Variants in NIPA1 observed in about 807,000 individuals in gnomAD.
The protein encoded by NIPA1 is NIPA magnesium transporter 1.
In NIPA1, 13 loss-of-function variants were observed where a neutral mutation model predicts 23.9. That is an observed-to-expected ratio of 0.54 (90% CI 0.35 to 0.87). The LOEUF is 0.87. Ranked by LOEUF, NIPA1 falls within the 40% of genes least tolerant of loss-of-function variation. The pLI, the probability that NIPA1 is intolerant of heterozygous loss-of-function variation, is 0.01. For synonymous variants in NIPA1, 234 were observed against 202.9 expected (o/e 1.15, Z -1.30); for missense variants, 362 against 429.7 (o/e 0.84, Z 1.39).
At chr15:22,788,547 A>G (rs553867139) in intron 1 of NIPA1, among the ~76,000 whole-genome samples, 6 of 151,124 alleles carry the variant, frequency 4.0e-5, no homozygotes, top group African/African-American at 1.5e-4. Context: ...TCCTCTGTGA[A>G]GGTCATGGAA....
In NIPA1 at chr15:22,787,010, C is replaced by T. The variant is rs1363258072; in HGVS notation, c.178+176C>T. ...CCGCGGCGTGCCCAGGCTGCCGCCG[C>T]GTCCTGGCGCTCGGGCCCGGGAGCG... On this transcript the variant is annotated intron_variant, in intron 1 of 4. Transcript: ENST00000337435. Among the ~76,000 whole-genome samples the T allele has an allele frequency of 2.0e-5, 3 of 151,716 alleles. No homozygotes were observed. In the East Asian group the frequency reaches 5.8e-4, roughly 29 times the overall value.
At position 22,816,476 on chromosome 15, in the gene NIPA1, C is replaced by T. The variant is rs1407181445; in HGVS notation, c.318-3837C>T. On this transcript the variant is annotated intron_variant, in intron 3 of 4. Coordinates refer to ENST00000337435, the MANE Select transcript of NIPA1 (RefSeq NM_144599.5). ...TGCTGGGATTACAGGTGTGAGCCACCGCACCCAGCCTTTTTTTTTTTTTTT... is the reference window on the plus strand; with the variant it reads ...TGCTGGGATTACAGGTGTGAGCCACTGCACCCAGCCTTTTTTTTTTTTTTT... 3.3e-4 allele frequency among the ~76,000 whole-genome samples: 46 copies of T among 139,530 alleles called. 1 individual carries two copies. Among genetic ancestry groups the T allele is most frequent in the Middle Eastern group, 4.0e-3 (1 of 252 alleles). The allele number at this position is 139,530 out of a possible 152,430, so 91.5% of individuals were successfully genotyped here. A position where few individuals can be genotyped will look rare whatever the true frequency, so the allele number is the denominator to read the frequency against.
intron 1 of NIPA1, among the ~76,000 whole-genome samples, chr15:22,806,714 A>G (rs372677579): frequency 6.6e-6 from 1 of 152,202 alleles, no homozygotes; most frequent in Non-Finnish European, 1.5e-5. Context: ...GAAGAAACCC[A>G]GTTGTTTTAG....
chr15:22,801,322 T>TACAGGTATAATACTTG (rs1895073216), intron 1 of NIPA1, among the ~76,000 whole-genome samples: 1 of 152,060 alleles, frequency 6.6e-6, no homozygotes, highest in Admixed American at 6.6e-5. Flanking sequence ...AGCACGCTAG[T>TACAGGTATAATACTTG]ACAGGTATAA....
intron 1 of NIPA1, among the ~76,000 whole-genome samples, chr15:22,788,801 C>A (rs1463755201): frequency 1.4e-5 from 2 of 146,168 alleles, no homozygotes; most frequent in South Asian, 2.2e-4. Flanking sequence ...CACCTGTAAT[C>A]CCAGCTACTC....
At position 22,828,048 on chromosome 15, in the gene NIPA1, T is replaced by TCA. The variant is rs1015954427; in HGVS notation, c.*3810_*3811dup. The TCA allele has an allele frequency of 2.6e-5, 4 of 152,506 alleles. No homozygotes were observed. The highest frequency in any genetic ancestry group is 6.5e-5 in the Admixed American group (1 of 15,282). 9.4% of individuals were successfully genotyped at this position (152,506 alleles called of 1,614,324 possible). A position where few individuals can be genotyped will look rare whatever the true frequency, so the allele number is the denominator to read the frequency against. On this transcript the variant is annotated 3_prime_UTR_variant, in exon 5 of 5. Transcript: ENST00000337435. The stretch of plus-strand genomic sequence containing the variant: ...AGCAGGAAACTAGAAAGAGAACATT[T>TCA]CAGTGTAAGGTCTGTTCCCGACAGC...
At chr15:22,805,047 A>T (rs953872227) in intron 1 of NIPA1, among the ~76,000 whole-genome samples, 5 of 151,844 alleles carry the variant, frequency 3.3e-5, no homozygotes, top group South Asian at 2.1e-4. Flanking sequence ...TCACTGTGTT[A>T]GCCAGGATGG....
intron 2 of NIPA1, 178 bp downstream of exon 2, chr15:22,810,974 A>G (rs988674486): frequency 1.6e-6 from 1 of 644,614 alleles, no homozygotes; most frequent in African/African-American, 1.8e-5. Flanking sequence ...TCCCCAGGGC[A>G]CTCTCCCTGC....
chr15:22,794,694 C>T (rs1353109990), intron 1 of NIPA1, among the ~76,000 whole-genome samples: 3 of 152,010 alleles, frequency 2.0e-5, no homozygotes, highest in African/African-American at 4.8e-5. Context: ...TGCACTGGCT[C>T]TGGGGTGGAT....
chr15:22,803,631 C>T lies in NIPA1; in HGVS notation c.179-7118C>T, dbSNP rs1895135666. Among the ~76,000 whole-genome samples the T allele has an allele frequency of 1.4e-5, 2 of 146,560 alleles. 1 individual carries two copies. The highest frequency in any genetic ancestry group is 1.4e-4 in the Admixed American group (2 of 14,560). On this transcript the variant is annotated intron_variant, in intron 1 of 4. Transcript: ENST00000337435. ...TCAAGTGATTCTCCTGCCTCAGCCTCCTGAGTAGCTGGGATTACAGGCACC... is the reference window on the plus strand; with the variant it reads ...TCAAGTGATTCTCCTGCCTCAGCCTTCTGAGTAGCTGGGATTACAGGCACC...
chr15:22,824,166 T>A lies in NIPA1; in HGVS notation c.917T>A (p.Val306Asp). 6.2e-7 allele frequency: 1 copy of A among 1,613,596 alleles called. No individual in the cohort carries two copies. Among genetic ancestry groups the A allele is most frequent in the Non-Finnish European group, 8.5e-7 (1 of 1,179,452 alleles). The change falls in exon 5 of 5, where the codon GTC becomes GAC. Residue 306 changes from valine (V) to aspartate (D), a missense_variant. Coordinates refer to ENST00000337435, the MANE Select transcript of NIPA1 (RefSeq NM_144599.5). The surrounding 1 kb of genome is among the most constrained non-coding windows in gnomAD (Gnocchi z 4.1). Reference sequence around the variant, plus strand: ...TTCACGACCGTCTCCGTGGGGATTGTCCTTATACAGGTGTTCAAAGAGTTC... The same window carrying A: ...TTCACGACCGTCTCCGTGGGGATTGACCTTATACAGGTGTTCAAAGAGTTC... Reference protein sequence around the residue: ...CGFTTVSVGIVLIQVFKEFNF... With the variant: ...CGFTTVSVGIDLIQVFKEFNF...
intron 1 of NIPA1, among the ~76,000 whole-genome samples, chr15:22,788,748 T>C (rs11635703): frequency 0.29 from 43,273 of 149,844 alleles, 6,768 homozygotes; most frequent in Non-Finnish European, 0.36. Flanking sequence ...AACAAGCGAG[T>C]AGCCTTTTAA....
intron 1 of NIPA1, among the ~76,000 whole-genome samples, chr15:22,800,455 C>G (rs55933416): frequency 0.1 from 15,392 of 151,764 alleles, 896 homozygotes; most frequent in South Asian, 0.19. Flanking sequence ...GCAGTTAAGA[C>G]CTACACGTTG....
chr15:22,800,114 T>C (rs1478411135), intron 1 of NIPA1, among the ~76,000 whole-genome samples: 9 of 151,900 alleles, frequency 5.9e-5, no homozygotes, highest in Admixed American at 5.9e-4. Context: ...AACCCCAGCA[T>C]TGCACAATAT....
intron 1 of NIPA1, among the ~76,000 whole-genome samples, chr15:22,791,460 T>A (rs1267424097): frequency 2.7e-5 from 4 of 148,718 alleles, no homozygotes; most frequent in African/African-American, 9.9e-5. Context: ...ATTTGAGGCA[T>A]GGCTTCCTCT....
At chr15:22,787,228 C>T (rs1330736579) in intron 1 of NIPA1, among the ~76,000 whole-genome samples, 1 of 152,140 alleles carries the variant, frequency 6.6e-6, no homozygotes, top group Non-Finnish European at 1.5e-5. Flanking sequence ...CGGGAGCCTC[C>T]TGCGGACGCG....
At chr15:22,803,305 G>A (rs973228164) in intron 1 of NIPA1, among the ~76,000 whole-genome samples, 3 of 151,616 alleles carry the variant, frequency 2.0e-5, no homozygotes, top group Admixed American at 6.6e-5. Flanking sequence ...ACGCCTGGCT[G>A]GGTTCTACCG....
At chr15:22,790,232 C>G (rs1894799869) in intron 1 of NIPA1, among the ~76,000 whole-genome samples, 2 of 152,192 alleles carry the variant, frequency 1.3e-5, no homozygotes, top group South Asian at 2.1e-4. Context: ...GCCACTGATT[C>G]AGGCTAGCTG....
chr15:22,810,712 C>A (rs1379920643), intron 1 of NIPA1, 37 bp from the exon 2 acceptor site: 6 of 1,381,388 alleles, frequency 4.3e-6, no homozygotes, highest in South Asian at 3.5e-5. Context: ...AGCTGGTAAA[C>A]CCACTTTTCT....
Sources: allele counts gnomAD v4.1 joint callset (sites outside exome capture counted in the v4.1 genomes callset), GRCh38; gene constraint gnomAD v4.1.1; non-coding constraint Gnocchi (gnomAD v3.1); transcripts MANE v1.5; gene names NCBI Gene and HGNC (gene_info 2026-07-23, HGNC 2026-07-21).